The following BCAS3 variants were observed in gnomAD, a reference collection of about 807,000 sequenced individuals.
BCAS3 encodes the protein BCAS4/BCAS3 fusion.
A neutral mutation model predicts 116.1 loss-of-function variants in BCAS3; 53 were observed. The observed-to-expected ratio is 0.46, with a 90% confidence interval of 0.37 to 0.57. BCAS3 has a LOEUF of 0.57. Ranked by LOEUF, BCAS3 falls within the 20% of genes least tolerant of loss-of-function variation. The pLI, the probability that BCAS3 is intolerant of heterozygous loss-of-function variation, is 0.00. For missense variants in BCAS3, 917 were observed against 1,165.4 expected (o/e 0.79, Z 3.10); for synonymous variants, 391 against 408.2 (o/e 0.96, Z 0.51).
intron 23 of BCAS3, chr17:61,383,899 C>G (rs1404833642): frequency 1.3e-5 from 2 of 152,272 alleles, no homozygotes; most frequent in Non-Finnish European, 2.9e-5. Context: ...AGTGCTATCT[C>G]GTCACGCTGG....
intron 7 of BCAS3, among the ~76,000 whole-genome samples, chr17:60,815,707 A>G (rs1390847529): frequency 6.6e-6 from 1 of 152,232 alleles, no homozygotes; most frequent in Non-Finnish European, 1.5e-5. Context: ...AAAGAGTAGG[A>G]GAATACATAG....
At chr17:61,312,042 G>A (rs1462959399) in intron 22 of BCAS3, among the ~76,000 whole-genome samples, 1 of 152,218 alleles carries the variant, frequency 6.6e-6, no homozygotes, top group East Asian at 1.9e-4. Context: ...GCTTCTGGGT[G>A]TCCTATTAGA....
intron 22 of BCAS3, among the ~76,000 whole-genome samples, chr17:61,176,037 G>A (rs907082449): frequency 6.6e-6 from 1 of 151,030 alleles, no homozygotes; most frequent in Non-Finnish European, 1.5e-5. Flanking sequence ...TACTCCGGAG[G>A]CTGAGGTGGG....
At chr17:60,957,864 C>T (rs2061222512) in intron 14 of BCAS3, among the ~76,000 whole-genome samples, 1 of 152,192 alleles carries the variant, frequency 6.6e-6, no homozygotes, top group Non-Finnish European at 1.5e-5. Context: ...AGCACTGGCA[C>T]AGTAAATGCC....
intron 15 of BCAS3, among the ~76,000 whole-genome samples, chr17:61,001,326 ACT>A (rs3032422): frequency 0.057 from 8,743 of 152,054 alleles, 727 homozygotes; most frequent in African/African-American, 0.19. Context: ...CCACTCAAAG[ACT>A]CTGTTTATAG....
chr17:61,229,895 C>G lies in BCAS3; in HGVS notation c.2426-138432C>G, dbSNP rs955434130. 6.6e-6 allele frequency among the ~76,000 whole-genome samples: 1 copy of G among 152,184 alleles called. No individual in the cohort carries two copies. Among genetic ancestry groups the G allele is most frequent in the Non-Finnish European group, 1.5e-5 (1 of 68,030 alleles). On this transcript the variant is annotated intron_variant, in intron 22 of 23. Transcript: ENST00000407086. The surrounding 1 kb of genome is among the most constrained non-coding windows in gnomAD (Gnocchi z 4.4). ...ATCCCAGCACTTTGGGAGGCCAAGG[C>G]GGGCGGTTCACCTGAGGTCAGGAGT... is the stretch of plus-strand genomic sequence containing the variant.
In BCAS3 at chr17:60,993,513, C is replaced by T. The variant is rs1183059505; in HGVS notation, c.1486+3278C>T. Reference sequence around the variant, plus strand: ...GTTAAAATTTTATTTCCAGAATTTCCGTCTATTACTCTGTGTAGTTTTTCT... The same window carrying T: ...GTTAAAATTTTATTTCCAGAATTTCTGTCTATTACTCTGTGTAGTTTTTCT... On this transcript the variant is annotated intron_variant, in intron 15 of 23. Coordinates refer to ENST00000407086, the MANE Select transcript of BCAS3 (RefSeq NM_017679.5). This position sits in a 1 kb window ranked among gnomAD's most constrained non-coding sequence, Gnocchi z 4.2. 3.9e-5 allele frequency among the ~76,000 whole-genome samples: 6 copies of T among 152,034 alleles called. No homozygotes were observed. The highest frequency in any genetic ancestry group is 9.7e-5 in the African/African-American group (4 of 41,412).
chr17:60,988,338 CTTTTTTT>C (rs71148317), intron 14 of BCAS3, among the ~76,000 whole-genome samples: 4 of 66,762 alleles, frequency 6.0e-5, no homozygotes, highest in Non-Finnish European at 8.6e-5. Context: ...TTTTCTTTTT[CTTTTTTT>C]TTTTTTTTTT....
At position 61,213,761 on chromosome 17, in the gene BCAS3, A is replaced by G. The variant is rs2081610981; in HGVS notation, c.2425+129197A>G. On this transcript the variant is annotated intron_variant, in intron 22 of 23. Coordinates refer to ENST00000407086, the MANE Select transcript of BCAS3 (RefSeq NM_017679.5). The surrounding 1 kb of genome is among the most constrained non-coding windows in gnomAD (Gnocchi z 5.4). ...ACTGGATTAGAACACACACATTCAG[A>G]ATTTTCTGGATGTGGTTTAGTATAT... Among the ~76,000 whole-genome samples the G allele has an allele frequency of 6.6e-6, 1 of 152,152 alleles. No homozygotes were observed. The highest frequency in any genetic ancestry group is 2.4e-5 in the African/African-American group (1 of 41,430).
At chr17:60,976,578 G>T (rs1441693074) in intron 14 of BCAS3, among the ~76,000 whole-genome samples, 3 of 152,010 alleles carry the variant, frequency 2.0e-5, no homozygotes, top group Non-Finnish European at 2.9e-5. Context: ...TAGGCAGAGG[G>T]CCCTGCCGCC....
intron 7 of BCAS3, among the ~76,000 whole-genome samples, chr17:60,814,306 T>TGCGCGCGCGC (rs1555731469): frequency 2.0e-5 from 3 of 148,198 alleles, no homozygotes; most frequent in Admixed American, 6.7e-5. Flanking sequence ...TGTGTGTGTG[T>TGCGCGCGCGC]GCGCGCGTGC....
chr17:61,310,819 T>G (rs2054248233), intron 22 of BCAS3, among the ~76,000 whole-genome samples: 1 of 151,824 alleles, frequency 6.6e-6, no homozygotes. Flanking sequence ...GGATGACCAG[T>G]TGTTTTGGCC....
At chr17:60,958,362 A>T (rs763108817) in intron 14 of BCAS3, among the ~76,000 whole-genome samples, 2 of 152,222 alleles carry the variant, frequency 1.3e-5, no homozygotes, top group Non-Finnish European at 2.9e-5. Flanking sequence ...TTTTATTTTT[A>T]AAAAACTAAT....
intron 16 of BCAS3, chr17:61,027,432 T>G (rs2066333641): frequency 4.6e-6 from 2 of 435,364 alleles, no homozygotes; most frequent in Non-Finnish European, 9.1e-6. Context: ...ATATTTTACA[T>G]AAAACCTCCT....
At chr17:60,748,558 A>G (rs903545641) in intron 6 of BCAS3, among the ~76,000 whole-genome samples, 1 of 152,130 alleles carries the variant, frequency 6.6e-6, no homozygotes, top group African/African-American at 2.4e-5. Flanking sequence ...TTCTCTTTGG[A>G]TGGCTGGAAT....
chr17:61,357,439 A>C (rs1482641123), intron 22 of BCAS3, among the ~76,000 whole-genome samples: 2 of 149,644 alleles, frequency 1.3e-5, no homozygotes, highest in Non-Finnish European at 3.0e-5. Context: ...CTAAAAAAAA[A>C]AAATTTTTAT....
chr17:61,086,759 A>G (rs2073123770), intron 22 of BCAS3: 11 of 985,276 alleles, frequency 1.1e-5, no homozygotes, highest in Admixed American at 6.2e-5. Flanking sequence ...ACAGTGAAAC[A>G]TGTGTGCTGC....
chr17:60,763,831 T>G (rs2043803577), intron 6 of BCAS3, among the ~76,000 whole-genome samples: 1 of 152,138 alleles, frequency 6.6e-6, no homozygotes. Context: ...GGTCCTGGAC[T>G]TTTTTTGGTT....
In BCAS3 at chr17:61,097,176, T is replaced by G. The variant is rs113617787; in HGVS notation, c.2425+12612T>G. On this transcript the variant is annotated intron_variant, in intron 22 of 23. Coordinates refer to ENST00000407086, the MANE Select transcript of BCAS3 (RefSeq NM_017679.5). The surrounding 1 kb of genome is among the most constrained non-coding windows in gnomAD (Gnocchi z 4.0). Reference sequence around the variant, plus strand: ...GAAGCCTACTCTGTTTCTTTATTTGTTTTTTTCTTTTTTCTTTTTTGAGAC... The same window carrying G: ...GAAGCCTACTCTGTTTCTTTATTTGGTTTTTTCTTTTTTCTTTTTTGAGAC... 0.041 allele frequency among the ~76,000 whole-genome samples: 6,289 copies of G among 152,098 alleles called. 464 individuals are homozygous for G. The highest frequency in any genetic ancestry group is 0.14 in the African/African-American group (5,916 of 41,492).
Sources: allele counts gnomAD v4.1 joint callset (sites outside exome capture counted in the v4.1 genomes callset), GRCh38; gene constraint gnomAD v4.1.1; non-coding constraint Gnocchi (gnomAD v3.1); transcripts MANE v1.5; gene names NCBI Gene and HGNC (gene_info 2026-07-23, HGNC 2026-07-21).